The following ACMSD variants were observed in gnomAD, a reference collection of about 807,000 sequenced individuals.
The protein encoded by ACMSD is aminocarboxymuconate semialdehyde decarboxylase.
Under a neutral mutation model 45.9 loss-of-function variants are expected in ACMSD, and 37 were observed. The ratio of observed to expected loss-of-function variants is 0.81; its 90% CI spans 0.62 to 1.06. ACMSD has a LOEUF of 1.06. Ranked by LOEUF, ACMSD falls within the 50% of genes least tolerant of loss-of-function variation. The pLI is 0.00. For synonymous variants in ACMSD, 138 were observed against 148.8 expected (o/e 0.93, Z 0.53); for missense variants, 434 against 420.9 (o/e 1.03, Z -0.27).
intron 9 of ACMSD, 22 bp downstream of exon 9, chr2:134,898,461 G>T: frequency 1.3e-6 from 2 of 1,520,258 alleles, no homozygotes; most frequent in Non-Finnish European, 1.8e-6. Context: ...TTTACTTCAC[G>T]GCTTTCTTAC....
At chr2:134,840,164 T>C (rs1573606404) in intron 1 of ACMSD, among the ~76,000 whole-genome samples, 1 of 19,702 alleles carries the variant, frequency 5.1e-5, no homozygotes, top group Non-Finnish European at 7.8e-5. Flanking sequence ...AAACTATACC[T>C]AGCAAAAAAA....
chr2:134,862,813 G>C (rs1253263000), intron 4 of ACMSD, among the ~76,000 whole-genome samples: 1 of 152,240 alleles, frequency 6.6e-6, no homozygotes, highest in Non-Finnish European at 1.5e-5. Flanking sequence ...GTGGGCAGTG[G>C]GGTGACAGAG....
chr2:134,863,728 C>G lies in ACMSD; in HGVS notation c.486+97C>G, dbSNP rs558580334. ...AGGGAGGAGGTGAAGCGTCACCCCA[C>G]TGGGAGGGGAGAGCGGTGTCCACGA... is the stretch of plus-strand genomic sequence containing the variant. On this transcript the variant is annotated intron_variant, in intron 5 of 9. Coordinates refer to ENST00000356140, the MANE Select transcript of ACMSD (RefSeq NM_138326.3). The G allele has an allele frequency of 1.4e-5, 17 of 1,254,938 alleles. No homozygotes were observed. The South Asian group carries it at 2.0e-4, about 15-fold the overall frequency. 77.7% of individuals were successfully genotyped at this position (1,254,938 alleles called of 1,614,324 possible). A position where few individuals can be genotyped will look rare whatever the true frequency, so the allele number is the denominator to read the frequency against.
intron 2 of ACMSD, among the ~76,000 whole-genome samples, chr2:134,850,855 C>T (rs995106239): frequency 6.6e-6 from 1 of 152,068 alleles, no homozygotes; most frequent in Non-Finnish European, 1.5e-5. Context: ...TATCAAGTGA[C>T]GCTGAGGTTT....
intron 8 of ACMSD, among the ~76,000 whole-genome samples, chr2:134,896,407 A>G (rs1440177936): frequency 1.3e-5 from 2 of 152,234 alleles, no homozygotes; most frequent in Non-Finnish European, 2.9e-5. Flanking sequence ...TCATGTATCT[A>G]TAAGGCTCTA....
At chr2:134,841,629 A>G (rs1442888443) in intron 1 of ACMSD, among the ~76,000 whole-genome samples, 2 of 152,204 alleles carry the variant, frequency 1.3e-5, no homozygotes, top group African/African-American at 4.8e-5. Context: ...GGCCCAAGAA[A>G]CAGTGGTGAA....
At position 134,880,128 on chromosome 2, in the gene ACMSD, G is replaced by A. The variant is rs371948493; in HGVS notation, c.849+7487G>A. On this transcript the variant is annotated intron_variant, in intron 8 of 9. Coordinates refer to ENST00000356140, the MANE Select transcript of ACMSD (RefSeq NM_138326.3). ...AGGTAACAATTCTAGCTTGGAAGTC[G>A]TTTCTTTCCCTCAGAATTTTAAAGT... Among the ~76,000 whole-genome samples, 10 of 152,256 alleles carry A rather than the reference G, an allele frequency of 6.6e-5. No individual in the cohort carries two copies. The East Asian group carries it at 1.3e-3, about 21-fold the overall frequency.
At chr2:134,883,444 T>C (rs1007200428) in intron 8 of ACMSD, among the ~76,000 whole-genome samples, 1 of 152,164 alleles carries the variant, frequency 6.6e-6, no homozygotes, top group African/African-American at 2.4e-5. Context: ...CTCATGTAAT[T>C]CATTTAAAAC....
chr2:134,884,228 C>CT (rs966149380), intron 8 of ACMSD, among the ~76,000 whole-genome samples: 1 of 152,114 alleles, frequency 6.6e-6, no homozygotes, highest in Non-Finnish European at 1.5e-5. Context: ...TTGCCAAACT[C>CT]TGAGTGTGAT....
At chr2:134,855,588 G>C (rs914536017) in intron 2 of ACMSD, among the ~76,000 whole-genome samples, 15 of 152,206 alleles carry the variant, frequency 9.9e-5, no homozygotes, top group African/African-American at 4.8e-5. Flanking sequence ...ATGCTGGCAT[G>C]GTCAACGGAG....
intron 6 of ACMSD, 65 bp downstream of exon 6, chr2:134,867,737 A>G: frequency 1.5e-6 from 2 of 1,330,578 alleles, no homozygotes; most frequent in Admixed American, 3.6e-5. Flanking sequence ...CATCTATGGA[A>G]ACCTATTATG....
intron 8 of ACMSD, among the ~76,000 whole-genome samples, chr2:134,885,728 C>T (rs2053727): frequency 0.59 from 88,798 of 151,626 alleles, 27,683 homozygotes; most frequent in Middle Eastern, 0.91. Context: ...AAATAATATC[C>T]AGTTAAGGAT....
intron 8 of ACMSD, among the ~76,000 whole-genome samples, chr2:134,875,347 TTTGA>T (rs1181523374): frequency 6.6e-6 from 1 of 152,326 alleles, no homozygotes; most frequent in Middle Eastern, 3.4e-3. Flanking sequence ...TTTAGTAATA[TTTGA>T]TTGTTTATGT....
intron 2 of ACMSD, among the ~76,000 whole-genome samples, chr2:134,854,985 A>T (rs1332859165): frequency 2.0e-5 from 3 of 152,176 alleles, no homozygotes; most frequent in Admixed American, 1.3e-4. Flanking sequence ...TTTCCCAGCA[A>T]GGAGCAAAAA....
At chr2:134,876,581 T>G (rs1688743906) in intron 8 of ACMSD, among the ~76,000 whole-genome samples, 1 of 152,238 alleles carries the variant, frequency 6.6e-6, no homozygotes, top group Non-Finnish European at 1.5e-5. Flanking sequence ...CAGCTGGAGC[T>G]GTCATCTCCT....
Position 134,872,551 on chromosome 2 carries a change from G to A in ACMSD, c.759G>A (p.Met253Ile). 1.2e-6 allele frequency: 2 copies of A among 1,614,094 alleles called. No homozygotes were observed. Among genetic ancestry groups the A allele is most frequent in the Non-Finnish European group, 8.5e-7 (1 of 1,180,012 alleles). ...ATCTGTGTGCCCAGGACAACCCCAT[G>A]AACCCGAAGAAATACCTTGGTTCCT... ...RPDLCAQDNPMNPKKYLGSFY... is the reference protein window; with the variant it reads ...RPDLCAQDNPINPKKYLGSFY... Residue 253 changes from methionine (M) to isoleucine (I), a missense_variant, in exon 8 of 10, where the codon ATG becomes ATA. Physicochemically the swap from Met to Ile is conservative, Grantham distance 10 (BLOSUM62 1). Coordinates refer to ENST00000356140, the MANE Select transcript of ACMSD (RefSeq NM_138326.3).
chr2:134,881,725 T>C (rs996475007), intron 8 of ACMSD, among the ~76,000 whole-genome samples: 4 of 152,206 alleles, frequency 2.6e-5, no homozygotes, highest in African/African-American at 9.6e-5. Flanking sequence ...TTTCTCAGGC[T>C]GCGCATAATC....
At chr2:134,857,601 G>C (rs1368010114) in intron 2 of ACMSD, among the ~76,000 whole-genome samples, 2 of 151,924 alleles carry the variant, frequency 1.3e-5, no homozygotes, top group Non-Finnish European at 2.9e-5. Context: ...GGTTTTCTAT[G>C]TATAAAACCA....
intron 8 of ACMSD, among the ~76,000 whole-genome samples, chr2:134,890,507 A>G (rs1689715692): frequency 6.6e-6 from 1 of 152,074 alleles, no homozygotes; most frequent in Admixed American, 6.6e-5. Context: ...ATTAGCTATA[A>G]ATCACATTAT....
Sources: gnomAD v4.1 joint callset for allele counts (sites outside exome capture counted in the v4.1 genomes callset) on GRCh38, gnomAD v4.1.1 for gene constraint, MANE v1.5 for transcripts, NCBI Gene and HGNC (gene_info 2026-07-23, HGNC 2026-07-21) for gene names.